Variants in KIAA1217 observed in about 807,000 individuals in gnomAD.
KIAA1217 encodes sickle tail protein homolog.
KIAA1217 carries 88 observed loss-of-function variants against 163.9 expected under a neutral mutation model. That is an observed-to-expected ratio of 0.54 (90% confidence interval 0.45 to 0.64). The LOEUF is 0.64. KIAA1217 is among the 30% of genes least tolerant of loss of function. The pLI, the probability that KIAA1217 is intolerant of heterozygous loss-of-function variation, is 0.00. For missense variants in KIAA1217, 2,372 were observed against 2,475.0 expected (o/e 0.96, Z 0.88); for synonymous variants, 903 against 923.1 (o/e 0.98, Z 0.39).
At chr10:23,717,742 C>T (rs1272322183) in intron 1 of KIAA1217, among the ~76,000 whole-genome samples, 1 of 151,966 alleles carries the variant, frequency 6.6e-6, no homozygotes, top group Non-Finnish European at 1.5e-5. Context: ...GCTAGAAATC[C>T]TCTACCCTTG....
chr10:24,226,467 A>AT (rs879357341), intron 2 of KIAA1217, among the ~76,000 whole-genome samples: 2 of 151,822 alleles, frequency 1.3e-5, no homozygotes, highest in Non-Finnish European at 2.9e-5. Flanking sequence ...TCTACTAAAA[A>AT]AAAAAAAATA....
chr10:24,522,049 G>A, intron 12 of KIAA1217, 120 bp downstream of exon 12: 1 of 1,131,516 alleles, frequency 8.8e-7, no homozygotes, highest in Non-Finnish European at 1.2e-6. Context: ...GTGTCCTGAG[G>A]AAAAGCCCCA....
At chr10:24,096,371 G>A (rs1453120906) in intron 2 of KIAA1217, among the ~76,000 whole-genome samples, 1 of 152,100 alleles carries the variant, frequency 6.6e-6, no homozygotes, top group African/African-American at 2.4e-5. Flanking sequence ...GGTCCAGGGT[G>A]CCACCACCTC....
intron 5 of KIAA1217, chr10:24,466,687 A>G (rs1199893571): frequency 3.0e-6 from 3 of 985,320 alleles, no homozygotes; most frequent in Non-Finnish European, 3.6e-6. Flanking sequence ...GTGTGCAACC[A>G]AGGATTTAGA....
At chr10:24,292,193 G>C (rs2079146788) in intron 2 of KIAA1217, among the ~76,000 whole-genome samples, 1 of 152,146 alleles carries the variant, frequency 6.6e-6, no homozygotes, top group Admixed American at 6.5e-5. Flanking sequence ...GGACCCCAGA[G>C]GATTAAGTGG....
At chr10:24,341,087 A>G (rs1024259506) in intron 2 of KIAA1217, among the ~76,000 whole-genome samples, 7 of 152,048 alleles carry the variant, frequency 4.6e-5, no homozygotes, top group African/African-American at 4.8e-5. Flanking sequence ...GTCCATATGG[A>G]TTAGATCTGC....
intron 1 of KIAA1217, among the ~76,000 whole-genome samples, chr10:23,786,070 A>T (rs1284787556): frequency 1.3e-5 from 2 of 152,184 alleles, no homozygotes; most frequent in Non-Finnish European, 2.9e-5. Flanking sequence ...ATAAAATTAC[A>T]AGGCAAGTAG....
intron 2 of KIAA1217, among the ~76,000 whole-genome samples, chr10:24,360,341 T>C (rs1489941998): frequency 6.6e-6 from 1 of 152,178 alleles, no homozygotes; most frequent in Non-Finnish European, 1.5e-5. Flanking sequence ...CCGGCCAAGA[T>C]AGAATTACTT....
Position 24,278,575 on chromosome 10 carries a change from T to C in KIAA1217, c.354+58666T>C, listed in dbSNP as rs115269833. Among the ~76,000 whole-genome samples, 332 of 152,318 alleles carry C rather than the reference T, an allele frequency of 2.2e-3. 1 individual carries two copies. Among genetic ancestry groups the C allele is most frequent in the African/African-American group, 7.2e-3 (299 of 41,576 alleles). On this transcript the variant is annotated intron_variant, in intron 2 of 20. Coordinates refer to ENST00000376454, the MANE Select transcript of KIAA1217 (RefSeq NM_019590.5). ...TCCCTTGTATTGAGTCTTATTTGTCTATTCAGTGAATATTTGGATACCAAC... is the reference window on the plus strand; with the variant it reads ...TCCCTTGTATTGAGTCTTATTTGTCCATTCAGTGAATATTTGGATACCAAC...
At chr10:24,402,516 C>CAAAAACAAAAAA (rs2056667285) in intron 3 of KIAA1217, among the ~76,000 whole-genome samples, 1 of 93,004 alleles carries the variant, frequency 1.1e-5, no homozygotes, top group African/African-American at 4.3e-5. Context: ...CTCAAAAAAA[C>CAAAAACAAAAAA]AAAAAACAAA....
intron 2 of KIAA1217, among the ~76,000 whole-genome samples, chr10:24,072,903 C>G (rs1275368869): frequency 6.6e-6 from 1 of 151,750 alleles, no homozygotes; most frequent in Non-Finnish European, 1.5e-5. Context: ...TACAGAAATA[C>G]AAAATTTAAC....
At chr10:23,985,956 G>A (rs148119707) in intron 1 of KIAA1217, among the ~76,000 whole-genome samples, 1 of 152,154 alleles carries the variant, frequency 6.6e-6, no homozygotes, top group African/African-American at 2.4e-5. Context: ...CTACTGCCTT[G>A]TGCGTCCCAT....
At chr10:23,814,009 G>A (rs74672663) in intron 1 of KIAA1217, among the ~76,000 whole-genome samples, 1 of 152,102 alleles carries the variant, frequency 6.6e-6, no homozygotes, top group East Asian at 1.9e-4. Flanking sequence ...TTCTGACAAA[G>A]CTTTCACAGT....
intron 6 of KIAA1217, among the ~76,000 whole-genome samples, chr10:24,485,033 G>A (rs376290127): frequency 2.4e-4 from 37 of 151,836 alleles, no homozygotes; most frequent in South Asian, 1.3e-3. Flanking sequence ...TTGTGCATGC[G>A]GGGAACACCA....
intron 5 of KIAA1217, among the ~76,000 whole-genome samples, chr10:24,449,969 A>G (rs1241493175): frequency 2.0e-5 from 3 of 152,296 alleles, no homozygotes; most frequent in Admixed American, 6.5e-5. Flanking sequence ...TTTGAAATCC[A>G]CTTAAATTAA....
chr10:24,284,618 C>G (rs2078343000), intron 2 of KIAA1217, among the ~76,000 whole-genome samples: 1 of 152,146 alleles, frequency 6.6e-6, no homozygotes, highest in South Asian at 2.1e-4. Flanking sequence ...TTTCTCTATC[C>G]ATTCCACCAC....
intron 2 of KIAA1217, among the ~76,000 whole-genome samples, chr10:24,040,267 C>A (rs543802295): frequency 1.3e-5 from 2 of 152,338 alleles, no homozygotes; most frequent in East Asian, 3.9e-4. Flanking sequence ...GGAGTAGCCA[C>A]TTGGCTAGTG....
At chr10:23,989,456 T>C (rs1308698925) in intron 1 of KIAA1217, among the ~76,000 whole-genome samples, 1 of 152,146 alleles carries the variant, frequency 6.6e-6, no homozygotes, top group Non-Finnish European at 1.5e-5. Flanking sequence ...GTTGATAAAC[T>C]TGGGGAACTT....
At chr10:24,520,277 G>A (rs773391775) in intron 11 of KIAA1217, 24 bp downstream of exon 11, 19 of 1,613,446 alleles carry the variant, frequency 1.2e-5, no homozygotes, top group Admixed American at 1.7e-5. Context: ...TGGGTCGGGG[G>A]AGGAGTCTGA....
Sources: gnomAD v4.1 joint callset for allele counts (sites outside exome capture counted in the v4.1 genomes callset) on GRCh38, gnomAD v4.1.1 for gene constraint, MANE v1.5 for transcripts, NCBI Gene and HGNC (gene_info 2026-07-23, HGNC 2026-07-21) for gene names.